Variants in ETV1 observed in about 807,000 individuals in gnomAD.
ETV1 encodes ETS translocation variant 1.
ETV1 carries 27 observed loss-of-function variants against 62.3 expected under a neutral mutation model. The observed-to-expected ratio is 0.43, with a 90% confidence interval of 0.32 to 0.60. The LOEUF (loss-of-function observed/expected upper bound fraction) is 0.60, where lower values mean the gene tolerates loss of function less well. Ranked by LOEUF, ETV1 falls within the 20% of genes least tolerant of loss-of-function variation. The pLI is 0.06. For synonymous variants in ETV1, 222 were observed against 199.6 expected, an observed-to-expected ratio of 1.11 and a Z score of -0.94; for missense variants, 605 against 605.8, an observed-to-expected ratio of 1.00 and a Z score of 0.01.
chr7:13,936,241 A>G (rs2128456556), intron 7 of ETV1, among the ~76,000 whole-genome samples: 1 of 152,298 alleles, frequency 6.6e-6, no homozygotes, highest in South Asian at 2.1e-4. Flanking sequence ...AGTTTGATAG[A>G]TCTTTCCTAA....
intron 6 of ETV1, among the ~76,000 whole-genome samples, chr7:13,962,654 C>T (rs565473128): frequency 1.7e-4 from 26 of 152,156 alleles, no homozygotes; most frequent in African/African-American, 6.3e-4. Context: ...ATTCCTGAAG[C>T]TGAAGACCTA....
chr7:13,986,265 G>A, intron 5 of ETV1: 1 of 1,519,362 alleles, frequency 6.6e-7, no homozygotes, highest in Non-Finnish European at 8.8e-7. Flanking sequence ...CTGCTCTAAA[G>A]GAAACAGCAA....
intron 7 of ETV1, among the ~76,000 whole-genome samples, chr7:13,936,902 C>T (rs953316670): frequency 1.3e-5 from 2 of 151,788 alleles, no homozygotes; most frequent in South Asian, 2.1e-4. Flanking sequence ...ATTAGCTGGG[C>T]GTGGTGATGC....
At chr7:13,986,173 G>A in intron 5 of ETV1, 1 of 1,593,098 alleles carries the variant, frequency 6.3e-7, no homozygotes, top group Non-Finnish European at 8.6e-7. Flanking sequence ...AAATCTTGAA[G>A]CATCCCGTCC....
intron 6 of ETV1, among the ~76,000 whole-genome samples, chr7:13,947,097 G>T (rs1393477698): frequency 6.6e-6 from 1 of 152,150 alleles, no homozygotes; most frequent in Non-Finnish European, 1.5e-5. Context: ...TTTAAGATTT[G>T]CTCATAGGAG....
chr7:13,931,841 C>T, intron 8 of ETV1, 92 bp from the exon 9 acceptor site: 1 of 1,466,902 alleles, frequency 6.8e-7, no homozygotes, highest in Non-Finnish European at 9.3e-7. Flanking sequence ...AGTGAACGAA[C>T]ATGATACCAG....
Position 13,939,103 on chromosome 7 carries a change from C to G in ETV1, c.365+14G>C. The G allele has an allele frequency of 1.2e-6, 2 of 1,610,858 alleles. No individual in the cohort carries two copies. Among genetic ancestry groups the G allele is most frequent in the Non-Finnish European group, 1.7e-6 (2 of 1,178,772 alleles). ...AGAACCACTATCCTACATACATACACCTGGTGGCTTTACCTGACATTGTAC... is the reference window on the plus strand; with the variant it reads ...AGAACCACTATCCTACATACATACAGCTGGTGGCTTTACCTGACATTGTAC... On this transcript the variant is annotated intron_variant, in intron 7 of 13. Transcript: ENST00000430479.
In ETV1 at chr7:13,989,154, G is replaced by C; in HGVS notation, c.-87-15C>G. 2 of 1,005,960 alleles carry C rather than the reference G, an allele frequency of 2.0e-6. No individual in the cohort carries two copies. The highest frequency in any genetic ancestry group is 2.9e-6 in the Non-Finnish European group (2 of 686,924). The allele number at this position is 1,005,960 out of a possible 1,614,324, so 62.3% of individuals were successfully genotyped here. ...CTTCTATCAACCTAGAGGGGAACAA[G>C]ATGGCTTTTAGGCTTAAAAAAAAAT... is the stretch of plus-strand genomic sequence containing the variant. On this transcript the variant is annotated splice_polypyrimidine_tract_variant and intron_variant, in intron 2 of 13. Coordinates refer to ENST00000430479, the MANE Select transcript of ETV1 (RefSeq NM_004956.5).
intron 6 of ETV1, among the ~76,000 whole-genome samples, chr7:13,954,284 G>A (rs1308958704): frequency 6.6e-6 from 1 of 152,164 alleles, no homozygotes; most frequent in Non-Finnish European, 1.5e-5. Context: ...GTGGGCTTCA[G>A]AACCAGAGCA....
chr7:13,932,540 G>A (rs1244544871), intron 8 of ETV1, among the ~76,000 whole-genome samples: 1 of 152,198 alleles, frequency 6.6e-6, no homozygotes, highest in African/African-American at 2.4e-5. Flanking sequence ...CCCGCTGTTA[G>A]GACATGAGGA....
intron 6 of ETV1, among the ~76,000 whole-genome samples, chr7:13,966,473 A>C (rs1780301702): frequency 6.6e-6 from 1 of 152,068 alleles, no homozygotes; most frequent in Non-Finnish European, 1.5e-5. Context: ...TCTCTACAAA[A>C]AAATACAAAA....
At chr7:13,962,473 A>G (rs1380171061) in intron 6 of ETV1, among the ~76,000 whole-genome samples, 1 of 152,134 alleles carries the variant, frequency 6.6e-6, no homozygotes, top group Admixed American at 6.5e-5. Flanking sequence ...TATCAGCAGC[A>G]TGAAATAATA....
intron 6 of ETV1, among the ~76,000 whole-genome samples, chr7:13,944,420 C>A (rs148757722): frequency 1.3e-5 from 2 of 152,246 alleles, no homozygotes; most frequent in South Asian, 2.1e-4. Flanking sequence ...GAGCTCCCTG[C>A]GATCTCTTTA....
chr7:13,987,387 A>G (rs960295319), intron 4 of ETV1, among the ~76,000 whole-genome samples: 5 of 152,136 alleles, frequency 3.3e-5, no homozygotes, highest in African/African-American at 1.2e-4. Context: ...AAAATTGCCA[A>G]CTAAACTTTG....
chr7:13,979,457 T>G (rs1459935482), intron 5 of ETV1, among the ~76,000 whole-genome samples: 1 of 152,010 alleles, frequency 6.6e-6, no homozygotes, highest in African/African-American at 2.4e-5. Flanking sequence ...TTTTTGACAC[T>G]GCAGAAAAAA....
chr7:13,988,741 T>G (rs761995590), intron 3 of ETV1: 10 of 1,612,708 alleles, frequency 6.2e-6, no homozygotes, highest in Non-Finnish European at 7.6e-6. Context: ...CAGCTGCTGC[T>G]GCCCTCCATC....
intron 6 of ETV1, among the ~76,000 whole-genome samples, chr7:13,951,012 C>G (rs1788753181): frequency 6.6e-6 from 1 of 151,476 alleles, no homozygotes; most frequent in Admixed American, 6.6e-5. Context: ...CCACTCTCAG[C>G]TGCCCCTTTG....
chr7:13,989,670 A>T (rs969252207), upstream of ETV1: 3 of 398,816 alleles, frequency 7.5e-6, no homozygotes, highest in Non-Finnish European at 1.3e-5. Context: ...CGCCTCTGAC[A>T]GAGCTCAATT....
chr7:13,930,509 G>C (rs540755174), intron 9 of ETV1, among the ~76,000 whole-genome samples: 9 of 151,854 alleles, frequency 5.9e-5, no homozygotes, highest in African/African-American at 2.2e-4. Context: ...TTTTAGTACA[G>C]ACAGGGTTTC....
Sources: allele counts gnomAD v4.1 joint callset (sites outside exome capture counted in the v4.1 genomes callset), GRCh38; gene constraint gnomAD v4.1.1; transcripts MANE v1.5; gene names NCBI Gene and HGNC (gene_info 2026-07-23, HGNC 2026-07-21).